XRCC5: variants seen among roughly 807,000 people sequenced by gnomAD.
XRCC5 encodes DNA repair protein Ku80.
In XRCC5, 12 loss-of-function variants were observed where a neutral mutation model predicts 95.7. The ratio of observed to expected loss-of-function variants is 0.13; its 90% CI spans 0.08 to 0.20. The LOEUF (loss-of-function observed/expected upper bound fraction) is 0.20, where lower values mean the gene tolerates loss of function less well. Ranked by LOEUF, XRCC5 falls within the 10% of genes least tolerant of loss-of-function variation. XRCC5 has a pLI of 1.00. For synonymous variants in XRCC5, 281 were observed against 290.3 expected (o/e 0.97, Z 0.33); for missense variants, 595 against 873.9 (o/e 0.68, Z 4.02).
intron 13 of XRCC5, among the ~76,000 whole-genome samples, chr2:216,143,100 G>A (rs954632561): frequency 1.3e-5 from 2 of 152,204 alleles, no homozygotes; most frequent in Non-Finnish European, 1.5e-5. Flanking sequence ...GCACTGTAAA[G>A]GTTGTCTACC....
chr2:216,165,752 T>C (rs1236586464), intron 16 of XRCC5, among the ~76,000 whole-genome samples: 1 of 152,202 alleles, frequency 6.6e-6, no homozygotes, highest in Non-Finnish European at 1.5e-5. Flanking sequence ...CGATCAGCGA[T>C]AGATAGTTGG....
At chr2:216,113,209 C>A in intron 2 of XRCC5, 80 bp downstream of exon 2, 2 of 1,223,254 alleles carry the variant, frequency 1.6e-6, no homozygotes, top group Admixed American at 1.8e-5. Context: ...AAGATACCAG[C>A]CTCCTTATAG....
chr2:216,181,705 T>TG (rs1199297850), intron 16 of XRCC5, among the ~76,000 whole-genome samples: 2 of 152,220 alleles, frequency 1.3e-5, no homozygotes, highest in Non-Finnish European at 2.9e-5. Context: ...GACCTCCATC[T>TG]GGCTTTTTTG....
In XRCC5 at chr2:216,205,357, TGA is replaced by T. The variant is rs1267118585; in HGVS notation, c.*156_*157del. 5.0e-6 allele frequency: 4 copies of T among 805,800 alleles called. No individual in the cohort carries two copies. Among genetic ancestry groups the T allele is most frequent in the Non-Finnish European group, 8.7e-6 (4 of 459,428 alleles). 49.9% of individuals were successfully genotyped at this position (805,800 alleles called of 1,614,324 possible). A position where few individuals can be genotyped will look rare whatever the true frequency, so the allele number is the denominator to read the frequency against. On this transcript the variant is annotated 3_prime_UTR_variant, in exon 21 of 21. Coordinates refer to ENST00000392132, the MANE Select transcript of XRCC5 (RefSeq NM_021141.4). ...GCGGATCATCTAATTCTCTGTGGAA[TGA>T]ATACACACATATATATTACAAGGGA...
At chr2:216,114,154 G>C (rs180848241) in intron 2 of XRCC5, among the ~76,000 whole-genome samples, 1 of 152,298 alleles carries the variant, frequency 6.6e-6, no homozygotes, top group East Asian at 1.9e-4. Context: ...GCTTAGAATA[G>C]TGCTTGGAAT....
At chr2:216,170,983 C>T (rs892988954) in intron 16 of XRCC5, among the ~76,000 whole-genome samples, 1 of 152,122 alleles carries the variant, frequency 6.6e-6, no homozygotes, top group Non-Finnish European at 1.5e-5. Flanking sequence ...CTCCTTAAGC[C>T]CAGCTGGTTG....
At chr2:216,184,508 A>T (rs1689455790) in intron 16 of XRCC5, among the ~76,000 whole-genome samples, 1 of 152,094 alleles carries the variant, frequency 6.6e-6, no homozygotes, top group Non-Finnish European at 1.5e-5. Flanking sequence ...ATGGAGTCTC[A>T]CCCTGTCACC....
In XRCC5 at chr2:216,175,975, G is replaced by A. The variant is rs41302466; in HGVS notation, c.1834+13927G>A. On this transcript the variant is annotated intron_variant, in intron 16 of 20. Transcript: ENST00000392132. ...TGGCCTTCCTCCTCTTGGCGGCAGT[G>A]GCAATGACAACGGCCAGAGTCAGCC... 2.2e-3 allele frequency: 651 copies of A among 291,484 alleles called. 4 individuals carry two copies. The highest frequency in any genetic ancestry group is 0.014 in the African/African-American group (624 of 43,282). The allele number at this position is 291,484 out of a possible 1,614,324, so 18.1% of individuals were successfully genotyped here.
Position 216,109,942 on chromosome 2 carries a change from G to A in XRCC5, c.21+485G>A, listed in dbSNP as rs181813600. On this transcript the variant is annotated intron_variant, in intron 1 of 20. Transcript: ENST00000392132. Reference sequence around the variant, plus strand: ...AAAATAACTTAAACTGTAAAGCGTCGTATTATTAGCTTTATAATAACGTAG... The same window carrying A: ...AAAATAACTTAAACTGTAAAGCGTCATATTATTAGCTTTATAATAACGTAG... Among the ~76,000 whole-genome samples, 61 of 152,300 alleles carry A rather than the reference G, an allele frequency of 4.0e-4. 1 individual carries two copies. The highest frequency in any genetic ancestry group is 1.4e-3 in the African/African-American group (58 of 41,548).
At chr2:216,183,305 G>C (rs957097485) in intron 16 of XRCC5, among the ~76,000 whole-genome samples, 3 of 152,038 alleles carry the variant, frequency 2.0e-5, no homozygotes, top group African/African-American at 7.2e-5. Flanking sequence ...CTTGTGCCTG[G>C]GGTTTTTAAT....
chr2:216,181,258 A>G (rs1160553519), intron 16 of XRCC5, among the ~76,000 whole-genome samples: 1 of 152,040 alleles, frequency 6.6e-6, no homozygotes, highest in Non-Finnish European at 1.5e-5. Flanking sequence ...TTATCATTGG[A>G]CAGTTCCAGC....
At chr2:216,169,467 G>A (rs993174619) in intron 16 of XRCC5, among the ~76,000 whole-genome samples, 35 of 152,292 alleles carry the variant, frequency 2.3e-4, no homozygotes, top group African/African-American at 8.2e-4. Flanking sequence ...AGTTATGGCT[G>A]GTGGAACAAG....
intron 16 of XRCC5, among the ~76,000 whole-genome samples, chr2:216,172,464 C>CTTTCCTTT (rs1258491985): frequency 2.8e-5 from 2 of 70,348 alleles, no homozygotes; most frequent in Admixed American, 1.1e-4. Flanking sequence ...ATCAGCTTTT[C>CTTTCCTTT]TTTTCTTTTT....
At chr2:216,200,503 A>G (rs1689816191) in intron 19 of XRCC5, among the ~76,000 whole-genome samples, 2 of 152,234 alleles carry the variant, frequency 1.3e-5, no homozygotes, top group Admixed American at 1.3e-4. Flanking sequence ...GGCTTGATAC[A>G]TTTAAGATAT....
At chr2:216,126,088 A>G in intron 7 of XRCC5, 57 bp downstream of exon 7, 2 of 1,389,436 alleles carry the variant, frequency 1.4e-6, no homozygotes, top group Non-Finnish European at 2.0e-6. Flanking sequence ...AAATATGTGT[A>G]TATAAGGAAC....
chr2:216,172,469 C>CT (rs746493174), intron 16 of XRCC5, among the ~76,000 whole-genome samples: 1,304 of 107,708 alleles, frequency 0.012, 51 homozygotes, highest in Middle Eastern at 0.031. Flanking sequence ...CTTTTCTTTT[C>CT]TTTTTTTTTT....
intron 14 of XRCC5, among the ~76,000 whole-genome samples, chr2:216,152,809 G>A (rs922516839): frequency 4.6e-5 from 7 of 151,656 alleles, no homozygotes; most frequent in Admixed American, 1.3e-4. Context: ...AACTCACGCC[G>A]GCTAAGTTTT....
At chr2:216,195,942 G>A (rs1689710586) in intron 19 of XRCC5, among the ~76,000 whole-genome samples, 1 of 152,006 alleles carries the variant, frequency 6.6e-6, no homozygotes, top group Non-Finnish European at 1.5e-5. Flanking sequence ...CTAGAAGCTC[G>A]GGCAGTTAAA....
At chr2:216,196,942 AT>A (rs1363004157) in intron 19 of XRCC5, among the ~76,000 whole-genome samples, 1 of 152,064 alleles carries the variant, frequency 6.6e-6, no homozygotes, top group African/African-American at 2.4e-5. Flanking sequence ...CAGGAAAAAT[AT>A]TTTTTGTCAT....
Sources: allele counts gnomAD v4.1 joint callset (sites outside exome capture counted in the v4.1 genomes callset), GRCh38; gene constraint gnomAD v4.1.1; transcripts MANE v1.5; gene names NCBI Gene and HGNC (gene_info 2026-07-23, HGNC 2026-07-21).